Variants in IGBP1C observed in about 807,000 individuals in gnomAD.
The protein encoded by IGBP1C is IGBP1 family member C.
the IGBP1C span, chr17:58,679,659 T>G: frequency 6.6e-6 from 1 of 152,240 alleles, no homozygotes; most frequent in Non-Finnish European, 1.5e-5. Flanking sequence ...CCACCTTTAA[T>G]GATCATGTTA....
At chr17:58,665,933 G>T in the IGBP1C span, among the ~76,000 whole-genome samples, 1 of 150,764 alleles carries the variant, frequency 6.6e-6, no homozygotes, top group African/African-American at 2.4e-5. Context: ...TGTATTCCCA[G>T]CTCTACTCAG....
the IGBP1C span, among the ~76,000 whole-genome samples, chr17:58,676,279 G>A: frequency 1.3e-5 from 2 of 152,126 alleles, no homozygotes; most frequent in African/African-American, 4.8e-5. Flanking sequence ...AGGAGGTTGA[G>A]GCAGGAGAAT....
the IGBP1C span, chr17:58,691,995 C>T: frequency 6.5e-6 from 1 of 153,718 alleles, no homozygotes; most frequent in Non-Finnish European, 1.4e-5. Context: ...TCTCAGTAAC[C>T]TCCATGCTCG....
the IGBP1C span, chr17:58,660,793 C>T: frequency 3.8e-6 from 3 of 781,392 alleles, no homozygotes; most frequent in Non-Finnish European, 7.2e-6. Flanking sequence ...ACCAGTCACT[C>T]ACTGTCATGG....
At chr17:58,660,727 T>A in the IGBP1C span, 3 of 781,458 alleles carry the variant, frequency 3.8e-6, no homozygotes, top group South Asian at 4.0e-5. Context: ...ATTCTTCTGG[T>A]GTTGCCTTGG....
At chr17:58,675,761 T>C in the IGBP1C span, among the ~76,000 whole-genome samples, 1 of 152,184 alleles carries the variant, frequency 6.6e-6, no homozygotes, top group African/African-American at 2.4e-5. Flanking sequence ...GAACTGGAAA[T>C]CAAACTCAGG....
At chr17:58,689,236 A>T in the IGBP1C span, among the ~76,000 whole-genome samples, 1 of 144,242 alleles carries the variant, frequency 6.9e-6, no homozygotes, top group Non-Finnish European at 1.5e-5. Context: ...TAATTTATTT[A>T]TTTTTAGAGG....
At chr17:58,685,037 C>T in the IGBP1C span, among the ~76,000 whole-genome samples, 62 of 152,228 alleles carry the variant, frequency 4.1e-4, no homozygotes, top group African/African-American at 1.4e-3. Context: ...AAAAAAGATT[C>T]AAATGTAGAT....
chr17:58,673,908 G>T, the IGBP1C span, among the ~76,000 whole-genome samples: 2 of 152,108 alleles, frequency 1.3e-5, no homozygotes, highest in Non-Finnish European at 2.9e-5. Context: ...TATCTGTGGG[G>T]TAACTATATG....
chr17:58,690,554 T>C, the IGBP1C span, among the ~76,000 whole-genome samples: 2 of 152,184 alleles, frequency 1.3e-5, no homozygotes, highest in South Asian at 2.1e-4. Context: ...TGAAGACTTA[T>C]TGTTGAATGT....
At chr17:58,661,379 G>C in the IGBP1C span, 1 of 921,592 alleles carries the variant, frequency 1.1e-6, no homozygotes, top group Non-Finnish European at 1.8e-6. Context: ...GTCGGTGGAA[G>C]TAATCTCCTC....
At chr17:58,674,767 GTATAGTATGTCAAT>G in the IGBP1C span, among the ~76,000 whole-genome samples, 1 of 146,038 alleles carries the variant, frequency 6.8e-6, no homozygotes, top group Non-Finnish European at 1.5e-5. Context: ...AAAAGCACAA[GTATAGTATGTCAAT>G]TATCCTTCAA....
At chr17:58,661,539 T>A in the IGBP1C span, 204 of 776,642 alleles carry the variant, frequency 2.6e-4, 1 homozygote, top group Non-Finnish European at 7.2e-5. Flanking sequence ...AGCTGTTTGC[T>A]GGAATCGAAC....
At chr17:58,676,482 C>T in the IGBP1C span, among the ~76,000 whole-genome samples, 1 of 151,988 alleles carries the variant, frequency 6.6e-6, no homozygotes, top group Non-Finnish European at 1.5e-5. Context: ...ATCACTTGAA[C>T]CTGGGAGGCA....
chr17:58,661,472 T>G, the IGBP1C span: 2 of 782,210 alleles, frequency 2.6e-6, no homozygotes, highest in Non-Finnish European at 4.8e-6. Context: ...CTTGAACACC[T>G]TTTCCTGGAC....
chr17:58,660,601 G>A, the IGBP1C span: 4 of 795,506 alleles, frequency 5.0e-6, no homozygotes, highest in East Asian at 2.4e-5. Context: ...GTCGGTTGCC[G>A]TAGCCCCTAG....
the IGBP1C span, among the ~76,000 whole-genome samples, chr17:58,687,679 AT>A: frequency 2.0e-5 from 3 of 152,104 alleles, no homozygotes; most frequent in African/African-American, 7.2e-5. Flanking sequence ...TAAAAAAAAA[AT>A]AAACTTCTCC....
At chr17:58,663,568 G>A in the IGBP1C span, among the ~76,000 whole-genome samples, 4 of 151,148 alleles carry the variant, frequency 2.6e-5, no homozygotes, top group African/African-American at 7.3e-5. Context: ...TTGGGTTCAA[G>A]CAATTCTCCT....
the IGBP1C span, chr17:58,661,639 C>G: frequency 4.5e-6 from 3 of 669,286 alleles, no homozygotes; most frequent in Non-Finnish European, 8.1e-6. Context: ...CCTTTCCTTT[C>G]TGGACACACG....
Sources: allele counts gnomAD v4.1 joint callset (sites outside exome capture counted in the v4.1 genomes callset), GRCh38; gene constraint gnomAD v4.1.1; transcripts MANE v1.5; gene names NCBI Gene and HGNC (gene_info 2026-07-23, HGNC 2026-07-21).